The following CLEC16A variants were observed in gnomAD, a reference collection of about 807,000 sequenced individuals.
CLEC16A encodes C-type lectin domain containing 16A.
Under a neutral mutation model 109.5 loss-of-function variants are expected in CLEC16A, and 51 were observed. The ratio of observed to expected loss-of-function variants is 0.47; its 90% CI spans 0.37 to 0.59. CLEC16A has a LOEUF of 0.59. Among genes scored for constraint, CLEC16A ranks in the 20% least tolerant of loss-of-function variants. CLEC16A has a pLI of 0.00. For missense variants in CLEC16A, 1,339 were observed against 1,394.0 expected (o/e 0.96, Z 0.63); for synonymous variants, 673 against 564.2 (o/e 1.19, Z -2.73).
chr16:11,126,482 A>G (rs1424080454), intron 22 of CLEC16A: 13 of 1,075,178 alleles, frequency 1.2e-5, no homozygotes, highest in Non-Finnish European at 1.7e-5. Flanking sequence ...TTCCTTCTCC[A>G]TGTAAGATGA....
At chr16:10,957,688 G>T in intron 1 of CLEC16A, 94 bp from the exon 2 acceptor site, 1 of 1,295,614 alleles carries the variant, frequency 7.7e-7, no homozygotes, top group South Asian at 1.2e-5. Context: ...AAAAAGCATT[G>T]CTGCATTGTC....
intron 19 of CLEC16A, among the ~76,000 whole-genome samples, chr16:11,070,049 C>G (rs1030129650): frequency 6.6e-6 from 1 of 150,660 alleles, no homozygotes; most frequent in Non-Finnish European, 1.5e-5. Flanking sequence ...CCAGCTTCTC[C>G]CAGCACCTTG....
intron 19 of CLEC16A, among the ~76,000 whole-genome samples, chr16:11,064,953 G>A (rs970962720): frequency 6.6e-6 from 1 of 152,160 alleles, no homozygotes; most frequent in African/African-American, 2.4e-5. Flanking sequence ...CATCCTGCTG[G>A]GCTCCATGGG....
At chr16:11,036,219 C>G (rs972551754) in intron 13 of CLEC16A, 2 of 152,596 alleles carry the variant, frequency 1.3e-5, no homozygotes, top group Non-Finnish European at 2.9e-5. Flanking sequence ...TCCTGGGCCC[C>G]TCCACTGCAT....
At chr16:11,086,343 T>C (rs1190322061) in intron 19 of CLEC16A, among the ~76,000 whole-genome samples, 8 of 152,228 alleles carry the variant, frequency 5.3e-5, no homozygotes, top group Non-Finnish European at 1.0e-4. Context: ...CCACCTCATC[T>C]GTAAAGTGGG....
At chr16:11,140,509 C>A (rs1288110342) in intron 22 of CLEC16A, among the ~76,000 whole-genome samples, 6 of 152,212 alleles carry the variant, frequency 3.9e-5, no homozygotes, top group Non-Finnish European at 7.3e-5. Flanking sequence ...CATCTCAAAG[C>A]AGTGCTTGGC....
chr16:11,021,565 A>AG (rs1031562732), intron 12 of CLEC16A, among the ~76,000 whole-genome samples: 19 of 152,200 alleles, frequency 1.2e-4, no homozygotes, highest in African/African-American at 4.6e-4. Flanking sequence ...TGGGAGGCCA[A>AG]GGGGGGAGGA....
chr16:11,039,855 A>T lies in CLEC16A; in HGVS notation c.1639A>T (p.Met547Leu). ...HPLAERLIRI[M>L]NNAAQPDGKI... ...GCTAGCTGAAAGACTCATCAGGATC[A>T]TGAACAACGCTGCCCAGCCAGGTGC... The change falls in exon 14 of 24, where the codon ATG becomes TTG. Residue 547 changes from methionine to leucine, a missense_variant. Met to Leu is a conservative substitution (Grantham distance 15, BLOSUM62 2). This residue lies in a region of CLEC16A where 1,061 missense variants were observed against 1,006.8 expected (regional missense o/e 1.05). Transcript: ENST00000409790. 6.2e-7 allele frequency: 1 copy of T among 1,612,964 alleles called. No homozygotes were observed. The highest frequency in any genetic ancestry group is 8.5e-7 in the Non-Finnish European group (1 of 1,179,526).
In CLEC16A at chr16:11,091,722, T is replaced by G. The variant is rs555786329; in HGVS notation, c.2117-28893T>G. On this transcript the variant is annotated intron_variant, in intron 19 of 23. Coordinates refer to ENST00000409790, the MANE Select transcript of CLEC16A (RefSeq NM_015226.3). ...ATGAGGAAAATTGTCAGGAAAGCTT[T>G]GAGCACGATGCCTGAAACACAGCAG... Among the ~76,000 whole-genome samples the G allele has an allele frequency of 2.7e-3, 413 of 152,128 alleles. 2 individuals are homozygous for G. The highest frequency in any genetic ancestry group is 4.5e-3 in the Non-Finnish European group (308 of 68,014).
chr16:11,025,013 C>G (rs2152813001), intron 13 of CLEC16A, 92 bp downstream of exon 13: 1 of 937,174 alleles, frequency 1.1e-6, no homozygotes, highest in Non-Finnish European at 1.7e-6. Context: ...AAGAAAGGTG[C>G]TTTCTGTACA....
rs1157089518 is a variant in CLEC16A at position 10,985,202 on chromosome 16, CAA to C, written c.1071+2229_1071+2230del. 1.4e-3 allele frequency among the ~76,000 whole-genome samples: 144 copies of C among 103,692 alleles called. 5 individuals carry two copies. The East Asian group carries it at 0.04, about 28-fold the overall frequency. The allele number at this position is 103,692 out of a possible 152,430, so 68.0% of individuals were successfully genotyped here. The stretch of plus-strand genomic sequence containing the variant: ...TGGGCGACAGAGCAAGACTCCATCT[CAA>C]AAAAAAAAAAAAAAAAATATATATA... On this transcript the variant is annotated intron_variant, in intron 10 of 23. Transcript: ENST00000409790.
rs557214281 is a variant in CLEC16A, at chr16:11,155,667, C to T, written c.2642-10721C>T. On this transcript the variant is annotated intron_variant, in intron 22 of 23. Coordinates refer to ENST00000409790, the MANE Select transcript of CLEC16A (RefSeq NM_015226.3). ...ATAGTTCCAGATAGTATCTTCAGTTCTTGTTGTAGATGATGTGTCATAGAA... is the reference window on the plus strand; with the variant it reads ...ATAGTTCCAGATAGTATCTTCAGTTTTTGTTGTAGATGATGTGTCATAGAA... Among the ~76,000 whole-genome samples, 8 of 152,350 alleles carry T rather than the reference C, an allele frequency of 5.3e-5. No homozygotes were observed. In the South Asian group the frequency reaches 1.7e-3, roughly 32 times the overall value.
At chr16:11,157,801 T>TG in intron 22 of CLEC16A, among the ~76,000 whole-genome samples, 1 of 152,322 alleles carries the variant, frequency 6.6e-6, no homozygotes, top group African/African-American at 2.4e-5. Flanking sequence ...GTGGGTAGTT[T>TG]GGGCCCTGTG....
intron 1 of CLEC16A, among the ~76,000 whole-genome samples, chr16:10,949,889 C>T (rs547267034): frequency 9.2e-5 from 14 of 152,150 alleles, no homozygotes; most frequent in South Asian, 2.1e-4. Flanking sequence ...ACACATACCT[C>T]GCCTGCCCAC....
chr16:10,984,052 C>G (rs1294616765), intron 10 of CLEC16A, among the ~76,000 whole-genome samples: 1 of 152,110 alleles, frequency 6.6e-6, no homozygotes, highest in African/African-American at 2.4e-5. Flanking sequence ...AGGGCTGTTT[C>G]ATAAAGGTTT....
At chr16:11,177,657 G>C (rs965859195) in intron 23 of CLEC16A, among the ~76,000 whole-genome samples, 1 of 151,428 alleles carries the variant, frequency 6.6e-6, no homozygotes, top group Non-Finnish European at 1.5e-5. Context: ...GAATAACTGC[G>C]TTGGGTGGAA....
chr16:11,038,075 A>G (rs1597151380), intron 13 of CLEC16A, among the ~76,000 whole-genome samples: 1 of 152,134 alleles, frequency 6.6e-6, no homozygotes, highest in African/African-American at 2.4e-5. Context: ...ACCCTACTCA[A>G]GTCTTTAGGC....
At chr16:11,108,656 A>G (rs1463213902) in intron 19 of CLEC16A, among the ~76,000 whole-genome samples, 1 of 152,162 alleles carries the variant, frequency 6.6e-6, no homozygotes, top group Non-Finnish European at 1.5e-5. Context: ...CCTCAGCCAC[A>G]TATGTCACTC....
chr16:11,164,082 C>T (rs778172786), intron 22 of CLEC16A, among the ~76,000 whole-genome samples: 2 of 152,072 alleles, frequency 1.3e-5, no homozygotes, highest in African/African-American at 4.8e-5. Flanking sequence ...AGCGGGCCCC[C>T]GACACACACA....
Sources: allele counts gnomAD v4.1 joint callset (sites outside exome capture counted in the v4.1 genomes callset), GRCh38; gene constraint gnomAD v4.1.1; regional missense constraint gnomAD v4.1.1; transcripts MANE v1.5; gene names NCBI Gene and HGNC (gene_info 2026-07-23, HGNC 2026-07-21).